Variants in TMPRSS11D observed in about 807,000 individuals in gnomAD.
TMPRSS11D encodes transmembrane serine protease 11D.
TMPRSS11D carries 32 observed loss-of-function variants against 44.4 expected under a neutral mutation model. That is an observed-to-expected ratio of 0.72 (90% CI 0.54 to 0.97). TMPRSS11D has a LOEUF of 0.97. Ranked by LOEUF, TMPRSS11D falls within the 50% of genes least tolerant of loss-of-function variation. TMPRSS11D has a pLI of 0.00. For synonymous variants in TMPRSS11D, 179 were observed against 177.9 expected (o/e 1.01, Z -0.05); for missense variants, 446 against 502.6 (o/e 0.89, Z 1.08).
intron 3 of TMPRSS11D, among the ~76,000 whole-genome samples, chr4:67,852,944 G>A (rs1016258320): frequency 4.6e-5 from 7 of 152,194 alleles, no homozygotes; most frequent in African/African-American, 1.7e-4. Context: ...TGTGGCATGA[G>A]ATCAACACAG....
chr4:67,827,614 A>C, intron 7 of TMPRSS11D, 94 bp from the exon 8 acceptor site: 1 of 1,324,558 alleles, frequency 7.5e-7, no homozygotes, highest in Non-Finnish European at 1.0e-6. Flanking sequence ...CACTATCTAG[A>C]AACTATTGGA....
chr4:67,875,796 G>A (rs757473393), intron 1 of TMPRSS11D, among the ~76,000 whole-genome samples: 2 of 152,190 alleles, frequency 1.3e-5, no homozygotes, highest in Admixed American at 6.5e-5. Flanking sequence ...CTCAAATAAT[G>A]TCTGGCATTT....
intron 6 of TMPRSS11D, chr4:67,833,672 G>T (rs909983242): frequency 4.3e-6 from 1 of 230,444 alleles, no homozygotes; most frequent in Non-Finnish European, 8.3e-6. Context: ...GTTAAGATAG[G>T]TCATTATTGG....
intron 1 of TMPRSS11D, among the ~76,000 whole-genome samples, chr4:67,875,707 C>T (rs1005511708): frequency 6.6e-6 from 1 of 152,226 alleles, no homozygotes. Context: ...TCCTCAATTT[C>T]CTTGTTTGCA....
chr4:67,859,062 G>A (rs773827875), intron 2 of TMPRSS11D, among the ~76,000 whole-genome samples: 1 of 152,032 alleles, frequency 6.6e-6, no homozygotes, highest in African/African-American at 2.4e-5. Flanking sequence ...CTAACTGTTA[G>A]GCTTGTAAGA....
chr4:67,854,423 G>T (rs990374111), intron 2 of TMPRSS11D, among the ~76,000 whole-genome samples: 11 of 152,012 alleles, frequency 7.2e-5, no homozygotes, highest in Non-Finnish European at 1.5e-4. Context: ...TATTATTTGA[G>T]AAATTAAAAA....
At chr4:67,883,884 T>C (rs1719385728) in intron 1 of TMPRSS11D, 42 bp downstream of exon 1, 1 of 1,535,244 alleles carries the variant, frequency 6.5e-7, no homozygotes, top group Non-Finnish European at 8.9e-7. Context: ...CTGTAAGATA[T>C]AGTAAAACTT....
intron 5 of TMPRSS11D, 150 bp downstream of exon 5, chr4:67,838,022 G>T: frequency 3.7e-6 from 2 of 547,736 alleles, no homozygotes; most frequent in Non-Finnish European, 3.0e-6. Context: ...ACGTTAGGGA[G>T]CTATATGGTA....
At chr4:67,822,528 A>C in intron 9 of TMPRSS11D, 30 bp from the exon 10 acceptor site, 1 of 1,613,030 alleles carries the variant, frequency 6.2e-7, no homozygotes, top group Non-Finnish European at 8.5e-7. Flanking sequence ...CTGATTACTT[A>C]AGTGCAAAGA....
At chr4:67,845,356 T>G (rs969060631) in intron 3 of TMPRSS11D, among the ~76,000 whole-genome samples, 1 of 152,168 alleles carries the variant, frequency 6.6e-6, no homozygotes, top group Admixed American at 6.6e-5. Flanking sequence ...TCTAATGAGA[T>G]AGTGATAAGG....
At position 67,822,511 on chromosome 4, in the gene TMPRSS11D, A is replaced by G. The variant is rs772328005; in HGVS notation, c.1096-13T>C. The G allele has an allele frequency of 6.2e-7, 1 of 1,613,620 alleles. No homozygotes were observed. Reference sequence around the variant, plus strand: ...CACCAGAGTCACCCTGTAAAAAAACAGAATGACTGATTACTTAAGTGCAAA... The same window carrying G: ...CACCAGAGTCACCCTGTAAAAAAACGGAATGACTGATTACTTAAGTGCAAA... On this transcript the variant is annotated splice_polypyrimidine_tract_variant and intron_variant, in intron 9 of 9. Transcript: ENST00000283916.
Position 67,855,252 on chromosome 4 carries a change from CAAAAAA to C in TMPRSS11D, c.131-1072_131-1067del, listed in dbSNP as rs34448142. Among the ~76,000 whole-genome samples the C allele has an allele frequency of 3.1e-3, 388 of 125,754 alleles. 1 individual carries two copies. Among genetic ancestry groups the C allele is most frequent in the East Asian group, 0.014 (63 of 4,458 alleles). The allele number at this position is 125,754 out of a possible 152,430, so 82.5% of individuals were successfully genotyped here. A position where few individuals can be genotyped will look rare whatever the true frequency, so the allele number is the denominator to read the frequency against. ...CCTGGGTGACAGAGCAAGACTGTCT[CAAAAAA>C]AAAAAAAAAAAAAATAGGCCAATAT... On this transcript the variant is annotated intron_variant, in intron 2 of 9. Transcript: ENST00000283916.
chr4:67,864,066 T>C (rs908629554), intron 1 of TMPRSS11D, among the ~76,000 whole-genome samples: 2 of 151,938 alleles, frequency 1.3e-5, no homozygotes, highest in African/African-American at 2.4e-5. Context: ...TAAAAAACTT[T>C]AGAGAAAAAT....
intron 1 of TMPRSS11D, among the ~76,000 whole-genome samples, chr4:67,876,209 C>A (rs1719188399): frequency 6.6e-6 from 1 of 152,062 alleles, no homozygotes; most frequent in Admixed American, 6.6e-5. Flanking sequence ...CATGTGATCA[C>A]TGGGAAGTAA....
At chr4:67,850,574 G>C (rs919861570) in intron 3 of TMPRSS11D, among the ~76,000 whole-genome samples, 10 of 152,166 alleles carry the variant, frequency 6.6e-5, no homozygotes, top group African/African-American at 1.4e-4. Flanking sequence ...TGACACCCCA[G>C]GGAAGCGCAG....
At chr4:67,847,510 T>C (rs1029493066) in intron 3 of TMPRSS11D, among the ~76,000 whole-genome samples, 3 of 152,198 alleles carry the variant, frequency 2.0e-5, no homozygotes, top group Non-Finnish European at 2.9e-5. Context: ...GATAATATAA[T>C]CTTTCAATCT....
intron 1 of TMPRSS11D, among the ~76,000 whole-genome samples, chr4:67,872,580 A>T (rs1363029600): frequency 6.6e-6 from 1 of 152,210 alleles, no homozygotes; most frequent in Non-Finnish European, 1.5e-5. Context: ...TGTGCACCTT[A>T]AACACGTGAA....
intron 1 of TMPRSS11D, among the ~76,000 whole-genome samples, chr4:67,864,185 C>G (rs903746437): frequency 6.6e-6 from 1 of 151,810 alleles, no homozygotes; most frequent in East Asian, 1.9e-4. Context: ...ACCTGTTTAC[C>G]GATTTACCTA....
intron 3 of TMPRSS11D, among the ~76,000 whole-genome samples, chr4:67,844,680 G>T (rs904741449): frequency 6.6e-6 from 1 of 152,010 alleles, no homozygotes; most frequent in Non-Finnish European, 1.5e-5. Flanking sequence ...TTAAGAGGCT[G>T]GGGCAGGAGA....
Sources: allele counts gnomAD v4.1 joint callset (sites outside exome capture counted in the v4.1 genomes callset), GRCh38; gene constraint gnomAD v4.1.1; transcripts MANE v1.5; gene names NCBI Gene and HGNC (gene_info 2026-07-23, HGNC 2026-07-21).